KCNQ3: variants seen among roughly 807,000 people sequenced by gnomAD.
KCNQ3 encodes the protein potassium voltage-gated channel subfamily KQT member 3.
In KCNQ3, 30 loss-of-function variants were observed where a neutral mutation model predicts 92.5. The ratio of observed to expected loss-of-function variants is 0.32; its 90% CI spans 0.24 to 0.44. The LOEUF is 0.44. KCNQ3 is among the 20% of genes least tolerant of loss of function. KCNQ3 has a pLI of 1.00. For missense variants in KCNQ3, 913 were observed against 1,140.3 expected (o/e 0.80, Z 2.87); for synonymous variants, 450 against 468.8 (o/e 0.96, Z 0.52).
chr8:132,238,159 C>T (rs534913903), intron 1 of KCNQ3, among the ~76,000 whole-genome samples: 3 of 152,210 alleles, frequency 2.0e-5, no homozygotes, highest in African/African-American at 7.2e-5. Context: ...CCTTTCGGTG[C>T]ACTAAATTAG....
chr8:132,184,498 C>G, intron 2 of KCNQ3, 131 bp from the exon 3 acceptor site: 222 of 646,548 alleles, frequency 3.4e-4, no homozygotes, highest in East Asian at 1.2e-3. Flanking sequence ...GCAGGGATGG[C>G]TGGGGATGGG....
chr8:132,220,509 G>C (rs1194850671), intron 1 of KCNQ3, among the ~76,000 whole-genome samples: 2 of 152,180 alleles, frequency 1.3e-5, no homozygotes, highest in African/African-American at 4.8e-5. Flanking sequence ...AGCACTTTGG[G>C]AGGCCGAGGC....
At chr8:132,257,541 T>C (rs13273969) in intron 1 of KCNQ3, among the ~76,000 whole-genome samples, 87,481 of 151,694 alleles carry the variant, frequency 0.58, 26,031 homozygotes, top group East Asian at 0.81. Context: ...GTCAGGAGAT[T>C]GAGACCATCC....
intron 1 of KCNQ3, among the ~76,000 whole-genome samples, chr8:132,291,457 A>G (rs1236790786): frequency 6.6e-6 from 1 of 152,202 alleles, no homozygotes; most frequent in African/African-American, 2.4e-5. Flanking sequence ...ATGTAAATCT[A>G]TATTATCATA....
In KCNQ3 at chr8:132,192,694, G is replaced by T. The variant is rs368265096; in HGVS notation, c.387-6513C>A. Among the ~76,000 whole-genome samples, 23 of 152,244 alleles carry T rather than the reference G, an allele frequency of 1.5e-4. No individual in the cohort carries two copies. In the East Asian group the frequency reaches 3.1e-3, roughly 20 times the overall value. On this transcript the variant is annotated intron_variant, in intron 1 of 14. Coordinates refer to ENST00000388996, the MANE Select transcript of KCNQ3 (RefSeq NM_004519.4). ...AGACGGAATCTCGCTCTGTCACCCA[G>T]GCTGGAGTGCAGTGACGCAATCTCC...
At chr8:132,325,257 T>C (rs927924330) in intron 1 of KCNQ3, among the ~76,000 whole-genome samples, 4 of 152,112 alleles carry the variant, frequency 2.6e-5, no homozygotes, top group Non-Finnish European at 5.9e-5. Flanking sequence ...AATGTTGGAC[T>C]CACGGGATGC....
At chr8:132,459,636 A>G (rs1225136172) in intron 1 of KCNQ3, among the ~76,000 whole-genome samples, 1 of 152,114 alleles carries the variant, frequency 6.6e-6, no homozygotes, top group Non-Finnish European at 1.5e-5. Flanking sequence ...CTGGGCATCA[A>G]ATTTCAACAT....
chr8:132,329,612 G>A (rs1818171995), intron 1 of KCNQ3, among the ~76,000 whole-genome samples: 1 of 152,008 alleles, frequency 6.6e-6, no homozygotes, highest in Non-Finnish European at 1.5e-5. Context: ...CACATCCCAA[G>A]GCACCCCCAG....
intron 1 of KCNQ3, among the ~76,000 whole-genome samples, chr8:132,339,039 T>A (rs992531760): frequency 2.6e-5 from 4 of 152,134 alleles, no homozygotes; most frequent in African/African-American, 4.8e-5. Context: ...TCTTCCCGCA[T>A]TACAAAAGTT....
intron 1 of KCNQ3, among the ~76,000 whole-genome samples, chr8:132,312,166 A>T (rs551740840): frequency 1.3e-5 from 2 of 152,192 alleles, no homozygotes; most frequent in Non-Finnish European, 2.9e-5. Flanking sequence ...TCTTGTCTCC[A>T]GAGCTGTGAG....
chr8:132,291,435 C>T (rs192137554), intron 1 of KCNQ3, among the ~76,000 whole-genome samples: 33 of 152,138 alleles, frequency 2.2e-4, no homozygotes, highest in African/African-American at 7.5e-4. Context: ...AGGACATTGC[C>T]GATGTCAAAT....
chr8:132,397,804 G>T (rs1820229652), intron 1 of KCNQ3, among the ~76,000 whole-genome samples: 2 of 152,222 alleles, frequency 1.3e-5, no homozygotes, highest in Admixed American at 1.3e-4. Flanking sequence ...AAAGATTAAA[G>T]GTTGTTATCT....
chr8:132,318,308 T>C (rs960187460), intron 1 of KCNQ3, among the ~76,000 whole-genome samples: 15 of 152,210 alleles, frequency 9.9e-5, no homozygotes, highest in Admixed American at 2.6e-4. Context: ...AAGATGGTGA[T>C]GGGGTATCTG....
Position 132,314,669 on chromosome 8 carries a change from T to C in KCNQ3, c.387-128488A>G, listed in dbSNP as rs75804282. 1.1e-4 allele frequency among the ~76,000 whole-genome samples: 17 copies of C among 152,318 alleles called. No homozygotes were observed. The East Asian group carries it at 3.3e-3, about 29-fold the overall frequency. On this transcript the variant is annotated intron_variant, in intron 1 of 14. Transcript: ENST00000388996. ...AAACAGGTCTTAAGAATATAAAATT[T>C]AGTTTATGGTGAAGGTAGCAGCACT...
intron 1 of KCNQ3, among the ~76,000 whole-genome samples, chr8:132,407,884 TC>T (rs1820534618): frequency 6.6e-6 from 1 of 152,134 alleles, no homozygotes; most frequent in Non-Finnish European, 1.5e-5. Context: ...CCTGGGGAAC[TC>T]CGAGCTAACG....
chr8:132,395,010 C>T (rs951190088), intron 1 of KCNQ3, among the ~76,000 whole-genome samples: 3 of 152,154 alleles, frequency 2.0e-5, no homozygotes, highest in Non-Finnish European at 2.9e-5. Context: ...CATCAGTCAG[C>T]GCAAGCCTCA....
chr8:132,421,666 T>C (rs1820970838), intron 1 of KCNQ3, among the ~76,000 whole-genome samples: 2 of 152,146 alleles, frequency 1.3e-5, no homozygotes, highest in African/African-American at 4.8e-5. Context: ...GCAAAAACAA[T>C]GTGTTCCAAA....
At chr8:132,386,795 T>C (rs531130638) in intron 1 of KCNQ3, among the ~76,000 whole-genome samples, 1 of 152,282 alleles carries the variant, frequency 6.6e-6, no homozygotes, top group Non-Finnish European at 1.5e-5. Context: ...TGTTGCACTA[T>C]CTTTTATTTT....
At chr8:132,187,068 T>A (rs1404953590) in intron 1 of KCNQ3, 1 of 415,818 alleles carries the variant, frequency 2.4e-6, no homozygotes, top group Non-Finnish European at 4.8e-6. Context: ...GGCTTAGTTG[T>A]CAGTACCAGG....
Sources: allele counts gnomAD v4.1 joint callset (sites outside exome capture counted in the v4.1 genomes callset), GRCh38; gene constraint gnomAD v4.1.1; transcripts MANE v1.5; gene names NCBI Gene and HGNC (gene_info 2026-07-23, HGNC 2026-07-21).